The following PRDM16 variants were observed in gnomAD, a reference collection of about 807,000 sequenced individuals.
PRDM16 encodes the protein histone-lysine N-methyltransferase PRDM16.
PRDM16 carries 23 observed loss-of-function variants against 110.6 expected under a neutral mutation model. The observed-to-expected ratio is 0.21, with a 90% CI of 0.15 to 0.29. PRDM16 has a LOEUF of 0.29. Ranked by LOEUF, PRDM16 falls within the 10% of genes least tolerant of loss-of-function variation. The pLI is 1.00. For synonymous variants in PRDM16, 799 were observed against 781.8 expected, an observed-to-expected ratio of 1.02 and a Z score of -0.37; for missense variants, 1,615 against 1,794.3, an observed-to-expected ratio of 0.90 and a Z score of 1.81.
At chr1:3,312,485 C>G (rs1641485625) in intron 3 of PRDM16, among the ~76,000 whole-genome samples, 1 of 152,248 alleles carries the variant, frequency 6.6e-6, no homozygotes, top group Non-Finnish European at 1.5e-5. Context: ...CTCACAGCCG[C>G]TCCTCCCCAG....
At chr1:3,180,655 G>A (rs1409314200) in intron 1 of PRDM16, among the ~76,000 whole-genome samples, 1 of 140,370 alleles carries the variant, frequency 7.1e-6, no homozygotes, top group African/African-American at 2.8e-5. Context: ...TCGCTGCCTT[G>A]CCCTTGAGGG....
At chr1:3,083,561 T>A (rs1642079699) in intron 1 of PRDM16, among the ~76,000 whole-genome samples, 2 of 137,694 alleles carry the variant, frequency 1.5e-5, no homozygotes, top group Middle Eastern at 3.6e-3. Flanking sequence ...TGCGGAGGGA[T>A]GCCCTGCAGG....
intron 14 of PRDM16, among the ~76,000 whole-genome samples, chr1:3,428,103 C>T (rs1437165494): frequency 1.3e-5 from 2 of 152,130 alleles, no homozygotes; most frequent in South Asian, 2.1e-4. Flanking sequence ...GGACCAGGAG[C>T]GTGTGCGGAG....
intron 1 of PRDM16, among the ~76,000 whole-genome samples, chr1:3,094,387 C>T (rs545061133): frequency 4.7e-4 from 72 of 152,334 alleles, no homozygotes; most frequent in Middle Eastern, 6.8e-3. Context: ...CCTGCAGAGA[C>T]GTGGGCTCCC....
In PRDM16 at chr1:3,432,120, T is replaced by C. The variant is rs1254675082; in HGVS notation, c.3676T>C (p.Cys1226Arg). 2 of 1,613,612 alleles carry C rather than the reference T, an allele frequency of 1.2e-6. No homozygotes were observed. The highest frequency in any genetic ancestry group is 2.7e-5 in the African/African-American group (2 of 74,922). The change falls in exon 16 of 17, where the codon TGC becomes CGC. Residue 1226 changes from cysteine to arginine, a missense_variant. Coordinates refer to ENST00000270722, the MANE Select transcript of PRDM16 (RefSeq NM_022114.4). The part of the protein sequence containing the change: ...LDSEALKHTL[C>R]RQAKNQAYAM... ...TTCTGAGGCTTTAAAACATACACTGTGCAGGCAGGCTAAGAACCAGGTAGG... is the reference window on the plus strand; with the variant it reads ...TTCTGAGGCTTTAAAACATACACTGCGCAGGCAGGCTAAGAACCAGGTAGG...
At chr1:3,212,683 C>T (rs1240425918) in intron 2 of PRDM16, among the ~76,000 whole-genome samples, 11 of 151,642 alleles carry the variant, frequency 7.3e-5, no homozygotes, top group African/African-American at 1.7e-4. Flanking sequence ...CCGGCCCCCT[C>T]GCTGCGGTCC....
rs368705439 is a variant in PRDM16 at position 3,414,544 on chromosome 1, C to T, written c.2604-16C>T. 7.0e-5 allele frequency: 112 copies of T among 1,606,554 alleles called. No homozygotes were observed. The African/African-American group carries it at 1.3e-3, about 18-fold the overall frequency. ...GCGGCTCGGTGGGGTACGTAACCCTCTGTGCTGTTGTCCAGCAGGGTAGAA... is the reference window on the plus strand; with the variant it reads ...GCGGCTCGGTGGGGTACGTAACCCTTTGTGCTGTTGTCCAGCAGGGTAGAA... On this transcript the variant is annotated splice_polypyrimidine_tract_variant and intron_variant, in intron 9 of 16. Coordinates refer to ENST00000270722, the MANE Select transcript of PRDM16 (RefSeq NM_022114.4).
At chr1:3,120,092 C>G (rs1282226476) in intron 1 of PRDM16, among the ~76,000 whole-genome samples, 1 of 139,178 alleles carries the variant, frequency 7.2e-6, no homozygotes, top group Non-Finnish European at 1.5e-5. Context: ...CACCACCAGC[C>G]CTTATCCCAC....
At position 3,243,589 on chromosome 1, in the gene PRDM16, C is replaced by A. The variant is rs920335232; in HGVS notation, c.388-498C>A. ...CCCCCGGAGGGCAGGGACTGCACCTCGCTGTCTCTCACCTGTCCAGGACCA... is the reference window on the plus strand; with the variant it reads ...CCCCCGGAGGGCAGGGACTGCACCTAGCTGTCTCTCACCTGTCCAGGACCA... On this transcript the variant is annotated intron_variant, in intron 2 of 16. Coordinates refer to ENST00000270722, the MANE Select transcript of PRDM16 (RefSeq NM_022114.4). This position sits in a 1 kb window ranked among gnomAD's most constrained non-coding sequence, Gnocchi z 5.5. 6.6e-6 allele frequency among the ~76,000 whole-genome samples: 1 copy of A among 152,220 alleles called. No homozygotes were observed.
chr1:3,141,877 C>G (rs994210828), intron 1 of PRDM16, among the ~76,000 whole-genome samples: 1 of 152,228 alleles, frequency 6.6e-6, no homozygotes, highest in African/African-American at 2.4e-5. Context: ...GAGAATGCCA[C>G]CTGACCCGTT....
intron 1 of PRDM16, among the ~76,000 whole-genome samples, chr1:3,145,956 G>A (rs185628939): frequency 2.3e-3 from 344 of 152,292 alleles, no homozygotes; most frequent in Middle Eastern, 6.8e-3. Flanking sequence ...ACAGAAATTC[G>A]CAAGGTGTGA....
At chr1:3,298,532 G>C (rs945741759) in intron 3 of PRDM16, among the ~76,000 whole-genome samples, 4 of 152,180 alleles carry the variant, frequency 2.6e-5, no homozygotes, top group Admixed American at 2.6e-4. Flanking sequence ...GGGCAGCCCC[G>C]GATGATGCCT....
chr1:3,186,456 G>C lies in PRDM16; in HGVS notation c.369G>C (p.Glu123Asp). 1 of 1,541,046 alleles carries C rather than the reference G, an allele frequency of 6.5e-7. No homozygotes were observed. The highest frequency in any genetic ancestry group is 8.7e-7 in the Non-Finnish European group (1 of 1,144,902). Residue 123 changes from glutamate (E) to aspartate (D), a missense_variant, in exon 2 of 17, where the codon GAG becomes GAC. By Grantham distance (45) the Glu-to-Asp change is conservative (BLOSUM62 2). Transcript: ENST00000270722. The stretch of plus-strand genomic sequence containing the variant: ...TGGTGCCCCGGGCGGCGGCAAAGGA[G>C]ACAGACTTCGGATGGGAGGTGAGCG... ...CVVVPRAAAK[E>D]TDFGWEQILT...
At chr1:3,100,088 G>C (rs1208935544) in intron 1 of PRDM16, among the ~76,000 whole-genome samples, 8 of 152,122 alleles carry the variant, frequency 5.3e-5, no homozygotes, top group Non-Finnish European at 8.8e-5. Context: ...CTGCCCTGTG[G>C]GTCTCTGACA....
At chr1:3,387,929 G>A (rs1056538301) in intron 4 of PRDM16, among the ~76,000 whole-genome samples, 1 of 152,252 alleles carries the variant, frequency 6.6e-6, no homozygotes, top group Non-Finnish European at 1.5e-5. Flanking sequence ...TCAATCTAGT[G>A]TTTAAATGCC....
chr1:3,078,018 G>A (rs1641937983), intron 1 of PRDM16, among the ~76,000 whole-genome samples: 1 of 142,294 alleles, frequency 7.0e-6, no homozygotes, highest in South Asian at 2.4e-4. Context: ...CCCACACTCA[G>A]CCTCCCTGGG....
Position 3,280,607 on chromosome 1 carries a change from C to T in PRDM16, c.438+36470C>T, listed in dbSNP as rs548252023. 9.2e-5 allele frequency among the ~76,000 whole-genome samples: 14 copies of T among 152,318 alleles called. No individual in the cohort carries two copies. The East Asian group carries it at 2.1e-3, about 23-fold the overall frequency. On this transcript the variant is annotated intron_variant, in intron 3 of 16. Transcript: ENST00000270722. ...GAGCCTGGAGGCAGCTGGAAGAACC[C>T]ACCTCTCACCCCAGCAAGGTCTGTG... is the stretch of plus-strand genomic sequence containing the variant.
At chr1:3,301,537 G>A (rs374828265) in intron 3 of PRDM16, among the ~76,000 whole-genome samples, 6 of 152,122 alleles carry the variant, frequency 3.9e-5, no homozygotes, top group East Asian at 1.9e-4. Flanking sequence ...AAGACGTCTC[G>A]GTGACCCAGT....
intron 3 of PRDM16, among the ~76,000 whole-genome samples, chr1:3,281,454 A>G (rs149347465): frequency 8.0e-4 from 122 of 152,370 alleles, no homozygotes; most frequent in African/African-American, 2.7e-3. Context: ...TCTCCTTGAG[A>G]GAAGCAGCCT....
Sources: gnomAD v4.1 joint callset for allele counts (sites outside exome capture counted in the v4.1 genomes callset) on GRCh38, gnomAD v4.1.1 for gene constraint, Gnocchi (gnomAD v3.1) non-coding constraint, MANE v1.5 for transcripts, NCBI Gene and HGNC (gene_info 2026-07-23, HGNC 2026-07-21) for gene names.